Variants in EHD4 observed in about 807,000 individuals in gnomAD.
The protein encoded by EHD4 is EH domain containing 4.
Under a neutral mutation model 51.0 loss-of-function variants are expected in EHD4, and 37 were observed. The observed-to-expected ratio is 0.73, with a 90% confidence interval of 0.56 to 0.95. The LOEUF (loss-of-function observed/expected upper bound fraction) is 0.95. EHD4 is among the 40% of genes least tolerant of loss of function. The pLI is 0.00. For missense variants in EHD4, 632 were observed against 733.1 expected (o/e 0.86, Z 1.59); for synonymous variants, 297 against 317.3 (o/e 0.94, Z 0.68).
chr15:41,899,479 T>C lies in EHD4; in HGVS notation c.*1166A>G, dbSNP rs1414085761. On this transcript the variant is annotated 3_prime_UTR_variant, in exon 6 of 6. Coordinates refer to ENST00000220325, the MANE Select transcript of EHD4 (RefSeq NM_139265.4). ...TTTATATGAAAGGTTCCATTTTGTTTCTGTATAAAGGCTTTTATCCTGTAA... is the reference window on the plus strand; with the variant it reads ...TTTATATGAAAGGTTCCATTTTGTTCCTGTATAAAGGCTTTTATCCTGTAA... 1 of 151,932 alleles carries C rather than the reference T, an allele frequency of 6.6e-6. No homozygotes were observed. Among genetic ancestry groups the C allele is most frequent in the Admixed American group, 6.6e-5 (1 of 15,260 alleles). The allele number at this position is 151,932 out of a possible 1,614,324, so 9.4% of individuals were successfully genotyped here. A position where few individuals can be genotyped will look rare whatever the true frequency, so the allele number is the denominator to read the frequency against.
chr15:41,910,979 C>T (rs753862696), intron 4 of EHD4, among the ~76,000 whole-genome samples: 3 of 152,110 alleles, frequency 2.0e-5, no homozygotes, highest in South Asian at 2.1e-4. Flanking sequence ...TATGTAGCAA[C>T]GGAAAATCCT....
At chr15:41,957,132 C>G (rs1338301919) in intron 1 of EHD4, among the ~76,000 whole-genome samples, 1 of 152,090 alleles carries the variant, frequency 6.6e-6, no homozygotes, top group Non-Finnish European at 1.5e-5. Context: ...GAGTTCGAGA[C>G]TAGCCTGGGC....
chr15:41,955,944 C>T (rs1261865132), intron 1 of EHD4, among the ~76,000 whole-genome samples: 1 of 152,202 alleles, frequency 6.6e-6, no homozygotes, highest in Non-Finnish European at 1.5e-5. Flanking sequence ...GATTTTTACG[C>T]CCTGTGGCCT....
chr15:41,928,128 T>C (rs2067675001), intron 3 of EHD4, among the ~76,000 whole-genome samples: 1 of 152,244 alleles, frequency 6.6e-6, no homozygotes, highest in African/African-American at 2.4e-5. Flanking sequence ...GTTTCCTGGC[T>C]GAGTTTACTT....
At chr15:41,955,448 G>A (rs1487993664) in intron 1 of EHD4, among the ~76,000 whole-genome samples, 1 of 152,070 alleles carries the variant, frequency 6.6e-6, no homozygotes, top group Non-Finnish European at 1.5e-5. Flanking sequence ...GTGTCACTTG[G>A]CATGAGGGAC....
chr15:41,966,393 C>T (rs915472865), intron 1 of EHD4, among the ~76,000 whole-genome samples: 1 of 152,164 alleles, frequency 6.6e-6, no homozygotes, highest in African/African-American at 2.4e-5. Flanking sequence ...CTTTACTTGC[C>T]TCGTATCCCC....
At position 41,901,069 on chromosome 15, in the gene EHD4, C is replaced by T; in HGVS notation, c.1202G>A (p.Ser401Asn). Residue 401 changes from serine to asparagine, a missense_variant, in exon 6 of 6, where the codon AGC (serine) becomes AAC (asparagine). By Grantham distance (46) the Ser-to-Asn change is conservative (BLOSUM62 1). Transcript: ENST00000220325. ...NKISPLMNLI[S>N]QEETSTPTQL... ...CGTGGGCGTGCTCGTCTCCTCCTGG[C>T]TGATGAGGTTCATGAGGGGCGAGAT... 6.2e-7 allele frequency: 1 copy of T among 1,613,120 alleles called. No individual in the cohort carries two copies. The highest frequency in any genetic ancestry group is 8.5e-7 in the Non-Finnish European group (1 of 1,179,568).
intron 3 of EHD4, among the ~76,000 whole-genome samples, chr15:41,938,896 C>T (rs1003274505): frequency 1.3e-5 from 2 of 152,176 alleles, no homozygotes; most frequent in African/African-American, 2.4e-5. Flanking sequence ...GAGGTTTGTA[C>T]TAAGTAGCTG....
At chr15:41,940,902 T>C (rs1350222705) in intron 3 of EHD4, among the ~76,000 whole-genome samples, 1 of 152,008 alleles carries the variant, frequency 6.6e-6, no homozygotes, top group African/African-American at 2.4e-5. Flanking sequence ...CAAATGCATA[T>C]GGTGGGAGCC....
At chr15:41,908,865 C>G (rs2067529173) in intron 5 of EHD4, among the ~76,000 whole-genome samples, 1 of 152,366 alleles carries the variant, frequency 6.6e-6, no homozygotes, top group East Asian at 1.9e-4. Context: ...TTCGCCTGGC[C>G]TGCTCCACTG....
chr15:41,951,409 G>A (rs921987725), intron 2 of EHD4, among the ~76,000 whole-genome samples: 10 of 151,984 alleles, frequency 6.6e-5, no homozygotes, highest in South Asian at 2.1e-4. Flanking sequence ...ATTCAAAATC[G>A]TTCCTAAAAA....
intron 5 of EHD4, among the ~76,000 whole-genome samples, chr15:41,909,445 C>G (rs1309260492): frequency 1.3e-5 from 2 of 152,226 alleles, no homozygotes; most frequent in African/African-American, 4.8e-5. Flanking sequence ...TGGACACAGT[C>G]TAAGAGGGCT....
At chr15:41,944,466 A>T (rs1415207547) in intron 2 of EHD4, among the ~76,000 whole-genome samples, 1 of 152,216 alleles carries the variant, frequency 6.6e-6, no homozygotes, top group African/African-American at 2.4e-5. Context: ...GATTACTCAC[A>T]AAGTAAAAAT....
Position 41,900,596 on chromosome 15 carries a change from G to T in EHD4, c.*49C>A. Reference sequence around the variant, plus strand: ...ATTCGGTGAGTCAGTGGTGGAGCAGGCCTGAGGCCCAGGTCCCCCAGTTCC... The same window carrying T: ...ATTCGGTGAGTCAGTGGTGGAGCAGTCCTGAGGCCCAGGTCCCCCAGTTCC... On this transcript the variant is annotated 3_prime_UTR_variant, in exon 6 of 6. Coordinates refer to ENST00000220325, the MANE Select transcript of EHD4 (RefSeq NM_139265.4). The surrounding 1 kb of genome is among the most constrained non-coding windows in gnomAD (Gnocchi z 4.8). 6.7e-7 allele frequency: 1 copy of T among 1,501,182 alleles called. No homozygotes were observed. Among genetic ancestry groups the T allele is most frequent in the South Asian group, 1.3e-5 (1 of 76,706 alleles). The allele number at this position is 1,501,182 out of a possible 1,614,324, so 93.0% of individuals were successfully genotyped here.
intron 3 of EHD4, among the ~76,000 whole-genome samples, chr15:41,939,738 T>G (rs983825762): frequency 2.8e-5 from 4 of 142,054 alleles, no homozygotes; most frequent in African/African-American, 1.1e-4. Context: ...AGGCAGAGGC[T>G]GCAGTGAGCA....
At chr15:41,906,179 TTTGA>T (rs1321298787) in intron 5 of EHD4, among the ~76,000 whole-genome samples, 4 of 152,250 alleles carry the variant, frequency 2.6e-5, no homozygotes, top group Admixed American at 6.5e-5. Flanking sequence ...GCTGCTTTTC[TTTGA>T]TTGATCCTCA....
chr15:41,971,116 C>T (rs1287059347), intron 1 of EHD4, among the ~76,000 whole-genome samples: 1 of 152,134 alleles, frequency 6.6e-6, no homozygotes, highest in Non-Finnish European at 1.5e-5. Context: ...TATCTGGAGG[C>T]CTGGATTTAA....
intron 2 of EHD4, among the ~76,000 whole-genome samples, chr15:41,949,188 G>C (rs181213886): frequency 6.6e-6 from 1 of 151,290 alleles, no homozygotes; most frequent in Admixed American, 6.6e-5. Context: ...TCGCCAACAT[G>C]GTGAAACCTC....
rs1446380320 is a variant in EHD4, at chr15:41,919,395, T to C, written c.739A>G (p.Ile247Val). The C allele has an allele frequency of 9.9e-6, 16 of 1,609,018 alleles. No homozygotes were observed. Among genetic ancestry groups the C allele is most frequent in the Non-Finnish European group, 1.4e-5 (16 of 1,177,024 alleles). ...GALMWSLGKV[I>V]NTPEVLRVYI... ...ACGCGCAGTACCTCGGGCGTGTTGATGACCTTGCCTAGGGACCACATGAGG... is the reference window on the plus strand; with the variant it reads ...ACGCGCAGTACCTCGGGCGTGTTGACGACCTTGCCTAGGGACCACATGAGG... Residue 247 changes from isoleucine (I) to valine (V), a missense_variant, in exon 4 of 6, where the codon ATC becomes GTC. Physicochemically the swap from Ile to Val is conservative, Grantham distance 29. Coordinates refer to ENST00000220325, the MANE Select transcript of EHD4 (RefSeq NM_139265.4).
Sources: allele counts gnomAD v4.1 joint callset (sites outside exome capture counted in the v4.1 genomes callset), GRCh38; gene constraint gnomAD v4.1.1; non-coding constraint Gnocchi (gnomAD v3.1); transcripts MANE v1.5; gene names NCBI Gene and HGNC (gene_info 2026-07-23, HGNC 2026-07-21).